The following DSEL variants were observed in gnomAD, a reference collection of about 807,000 sequenced individuals.
DSEL encodes the protein dermatan sulfate epimerase like.
Under a neutral mutation model 96.6 loss-of-function variants are expected in DSEL, and 61 were observed. The ratio of observed to expected loss-of-function variants is 0.63; its 90% CI spans 0.51 to 0.78. The LOEUF is 0.78. DSEL is among the 30% of genes least tolerant of loss of function. The probability of loss-of-function intolerance (pLI) is 0.00; values close to 1 mark genes in which losing one functional copy is unlikely to be tolerated. For missense variants in DSEL, 1,320 were observed against 1,430.8 expected, an observed-to-expected ratio of 0.92 and a Z score of 1.25; for synonymous variants, 514 against 502.0, an observed-to-expected ratio of 1.02 and a Z score of -0.32.
rs960377071 is a variant in DSEL, at chr18:67,506,805, T to A, written c.*4165A>T. On this transcript the variant is annotated 3_prime_UTR_variant, in exon 2 of 2. Coordinates refer to ENST00000310045, the MANE Select transcript of DSEL (RefSeq NM_032160.3). ...ACATGTATGTGTTACTTAGACTAAA[T>A]ATAAATAACCCATATAAATGGTAGC... The A allele has an allele frequency of 2.6e-5, 4 of 152,148 alleles. No individual in the cohort carries two copies. Among genetic ancestry groups the A allele is most frequent in the Admixed American group, 1.3e-4 (2 of 15,268 alleles). The allele number at this position is 152,148 out of a possible 1,614,324, so 9.4% of individuals were successfully genotyped here.
rs141551736 is a variant in DSEL at position 67,511,668 on chromosome 18, C to T, written c.2941G>A (p.Asp981Asn). ...CTCAAAGCCCTAATATATTCAGCAT[C>T]TCTATCAAAGGCGCCTTTCATTTGA... ...RSQMKGAFDR[D>N]AEYIRALRRH... The change falls in exon 2 of 2, where the codon GAT becomes AAT. Residue 981 changes from aspartate (D) to asparagine (N), a missense_variant. Physicochemically the swap from Asp to Asn is conservative, Grantham distance 23. This residue lies in a region of DSEL where 986 missense variants were observed against 1,066.4 expected (regional missense o/e 0.92). Transcript: ENST00000310045. 7.1e-5 allele frequency: 115 copies of T among 1,614,144 alleles called. No homozygotes were observed. The African/African-American group carries it at 1.5e-3, about 21-fold the overall frequency.
At position 67,513,952 on chromosome 18, in the gene DSEL, C is replaced by A; in HGVS notation, c.657G>T (p.Gln219His). Residue 219 changes from glutamine (Q) to histidine (H), a missense_variant, in exon 2 of 2, where the codon CAG becomes CAT. Physicochemically the swap from Gln to His is conservative, Grantham distance 24. Coordinates refer to ENST00000310045, the MANE Select transcript of DSEL (RefSeq NM_032160.3). ...TAGTGGCTTGGTGGTTATGGAGAAG[C>A]TGTTTGCCCCATGAGCGGACCTTGG... is the stretch of plus-strand genomic sequence containing the variant. ...EYSKVRSWGKQLLHNHQATNM... is the reference protein window; with the variant it reads ...EYSKVRSWGKHLLHNHQATNM... 1.9e-6 allele frequency: 3 copies of A among 1,614,172 alleles called. No individual in the cohort carries two copies. The highest frequency in any genetic ancestry group is 2.5e-6 in the Non-Finnish European group (3 of 1,180,016).
At position 67,512,550 on chromosome 18, in the gene DSEL, T is replaced by C. The variant is rs2089449788; in HGVS notation, c.2059A>G (p.Ile687Val). Reference protein sequence around the residue: ...RIAYVFYGPYINVSSCRFIDS... With the variant: ...RIAYVFYGPYVNVSSCRFIDS... Reference sequence around the variant, plus strand: ...ATAAATCTGCAGCTGGAGACATTGATATATGGCCCATAAAAGACATATGCA... The same window carrying C: ...ATAAATCTGCAGCTGGAGACATTGACATATGGCCCATAAAAGACATATGCA... Residue 687 changes from isoleucine to valine, a missense_variant, in exon 2 of 2, where the codon ATC (isoleucine) becomes GTC (valine). This residue lies in a region of DSEL where 986 missense variants were observed against 1,066.4 expected (regional missense o/e 0.92). Coordinates refer to ENST00000310045, the MANE Select transcript of DSEL (RefSeq NM_032160.3). 1.9e-6 allele frequency: 3 copies of C among 1,614,090 alleles called. No homozygotes were observed. The highest frequency in any genetic ancestry group is 1.3e-5 in the African/African-American group (1 of 74,952).
Position 67,511,972 on chromosome 18 carries a change from G to C in DSEL, c.2637C>G (p.Leu879=). The C allele has an allele frequency of 1.2e-6, 2 of 1,614,140 alleles. No homozygotes were observed. The highest frequency in any genetic ancestry group is 1.7e-6 in the Non-Finnish European group (2 of 1,180,034). Residue 879 remains leucine, a synonymous_variant, in exon 2 of 2, where the codon CTC becomes CTG. Transcript: ENST00000310045. ...TGTAGGCTGTAGGAACCCTGATGTAGAGAAAATCACTACTGTTGAAAAAAA... is the reference window on the plus strand; with the variant it reads ...TGTAGGCTGTAGGAACCCTGATGTACAGAAAATCACTACTGTTGAAAAAAA... ...KQLFFNSSDF[L]YIRVPTAYID...
Position 67,513,874 on chromosome 18 carries a change from AG to A in DSEL, c.734del (p.Ser245LeufsTer10). 1 of 1,614,178 alleles carries A rather than the reference AG, an allele frequency of 6.2e-7. No homozygotes were observed. The highest frequency in any genetic ancestry group is 8.5e-7 in the Non-Finnish European group (1 of 1,180,026). On this transcript the variant is annotated frameshift_variant, in exon 2 of 2. Coordinates refer to ENST00000310045, the MANE Select transcript of DSEL (RefSeq NM_032160.3). LOFTEE classifies it high-confidence loss of function. ...GALVTGVDKG[S>X]KANIWKQAVV... The stretch of plus-strand genomic sequence containing the variant: ...CAGCCTGTTTCCATATATTTGCTTT[AG>A]ATCCTTTATCTACTCCAGTCACCAA...
At position 67,514,879 on chromosome 18, in the gene DSEL, T is replaced by G; in HGVS notation, c.-271A>C. The G allele has an allele frequency of 2.1e-6, 1 of 466,212 alleles. No homozygotes were observed. Among genetic ancestry groups the G allele is most frequent in the Non-Finnish European group, 3.9e-6 (1 of 257,168 alleles). 28.9% of individuals were successfully genotyped at this position (466,212 alleles called of 1,614,324 possible). A position where few individuals can be genotyped will look rare whatever the true frequency, so the allele number is the denominator to read the frequency against. On this transcript the variant is annotated 5_prime_UTR_variant, in exon 2 of 2. Transcript: ENST00000310045. ...GTTAAAATCTCTAATTTTTCCATAA[T>G]ACACAGGGAAGTGATACAGGTAAAA...
rs2089457502 is a variant in DSEL, at chr18:67,513,594, C to T, written c.1015G>A (p.Gly339Ser). 6.2e-7 allele frequency: 1 copy of T among 1,614,124 alleles called. No individual in the cohort carries two copies. Among genetic ancestry groups the T allele is most frequent in the Non-Finnish European group, 8.5e-7 (1 of 1,180,032 alleles). ...AAGAAAACTAGCTGGCTTTCTGGAC[C>T]ATAAAACCAATTATAATTGGAATCT... is the stretch of plus-strand genomic sequence containing the variant. ...IADSNYNWFYGPESQLVFLDK... is the reference protein window; with the variant it reads ...IADSNYNWFYSPESQLVFLDK... Residue 339 changes from glycine (G) to serine (S), a missense_variant, in exon 2 of 2, where the codon GGT (glycine) becomes AGT (serine). Physicochemically the swap from Gly to Ser is moderately conservative, Grantham distance 56. Coordinates refer to ENST00000310045, the MANE Select transcript of DSEL (RefSeq NM_032160.3).
In DSEL at chr18:67,508,472, A is replaced by C. The variant is rs2144043389; in HGVS notation, c.*2498T>G. 1 of 152,282 alleles carries C rather than the reference A, an allele frequency of 6.6e-6. No homozygotes were observed. Among genetic ancestry groups the C allele is most frequent in the African/African-American group, 2.4e-5 (1 of 41,542 alleles). The allele number at this position is 152,282 out of a possible 1,614,324, so 9.4% of individuals were successfully genotyped here. The stretch of plus-strand genomic sequence containing the variant: ...ACTAAATAGTAGGGTTCATGTCTAA[A>C]ATTTTCCCTTGGGGTGGGAGTAGGT... On this transcript the variant is annotated 3_prime_UTR_variant, in exon 2 of 2. Coordinates refer to ENST00000310045, the MANE Select transcript of DSEL (RefSeq NM_032160.3).
In DSEL at chr18:67,510,904, C is replaced by G; in HGVS notation, c.*66G>C. 1 of 1,342,264 alleles carries G rather than the reference C, an allele frequency of 7.5e-7. No individual in the cohort carries two copies. The allele number at this position is 1,342,264 out of a possible 1,614,324, so 83.1% of individuals were successfully genotyped here. On this transcript the variant is annotated 3_prime_UTR_variant, in exon 2 of 2. Coordinates refer to ENST00000310045, the MANE Select transcript of DSEL (RefSeq NM_032160.3). ...CACACTAAAGAATAAACAAACTCTT[C>G]TGATTCATATCCACAAAGTGGGTTG...
At position 67,512,980 on chromosome 18, in the gene DSEL, G is replaced by A. The variant is rs73454543; in HGVS notation, c.1629C>T (p.Ala543=). 1.4e-3 allele frequency: 2,221 copies of A among 1,614,116 alleles called. 32 individuals carry two copies. In the African/African-American group the frequency reaches 0.027, roughly 20 times the overall value. ...VGDAAGEIIT[A]SQHGEMVFVS... ...CAAATACCATTTCCCCATGTTGAGA[G>A]GCAGTGATTATTTCCCCAGCTGCAT... The change falls in exon 2 of 2, where the codon GCC becomes GCT. Residue 543 remains alanine, a synonymous_variant. Transcript: ENST00000310045.
chr18:67,513,376 T>C lies in DSEL; in HGVS notation c.1233A>G (p.Thr411=). The C allele has an allele frequency of 1.2e-6, 2 of 1,614,214 alleles. No individual in the cohort carries two copies. Among genetic ancestry groups the C allele is most frequent in the Non-Finnish European group, 1.7e-6 (2 of 1,180,036 alleles). The change falls in exon 2 of 2, where the codon ACA becomes ACG. Residue 411 remains threonine, a synonymous_variant. Coordinates refer to ENST00000310045, the MANE Select transcript of DSEL (RefSeq NM_032160.3). ...AAGTAACCACACCCCAGTTAGGGAA[T>C]GTGTGTATTTTTGCAGTACCATAAT... The part of the protein sequence containing the change: ...PADYGTAKIH[T]FPNWGVVTYG...
At position 67,511,251 on chromosome 18, in the gene DSEL, T is replaced by C. The variant is rs777836420; in HGVS notation, c.3358A>G (p.Thr1120Ala). ...TCAAACTTGACCAGCTGGTAGCTAG[T>C]AGGCAGCAAATCTGTATTTATTCTC... is the stretch of plus-strand genomic sequence containing the variant. Reference protein sequence around the residue: ...ALRINTDLLPTSYQLVKFEDI... With the variant: ...ALRINTDLLPASYQLVKFEDI... Residue 1120 changes from threonine to alanine, a missense_variant, in exon 2 of 2, where the codon ACT (threonine) becomes GCT (alanine). Coordinates refer to ENST00000310045, the MANE Select transcript of DSEL (RefSeq NM_032160.3). 8.1e-6 allele frequency: 13 copies of C among 1,612,632 alleles called. No individual in the cohort carries two copies. In the East Asian group the frequency reaches 1.8e-4, roughly 22 times the overall value.
At position 67,513,650 on chromosome 18, in the gene DSEL, A is replaced by G; in HGVS notation, c.959T>C (p.Leu320Ser). 1 of 1,614,214 alleles carries G rather than the reference A, an allele frequency of 6.2e-7. No individual in the cohort carries two copies. Among genetic ancestry groups the G allele is most frequent in the Non-Finnish European group, 8.5e-7 (1 of 1,180,038 alleles). The change falls in exon 2 of 2, where the codon TTA (leucine) becomes TCA (serine). Residue 320 changes from leucine to serine, a missense_variant. This residue lies in a region of DSEL where 986 missense variants were observed against 1,066.4 expected (regional missense o/e 0.92). Transcript: ENST00000310045. ...MHFWFYYATL[L>S]PGFQRTVGIA... ...ACCCACAGTTCTTTGGAAGCCAGGT[A>G]AAAGGGTGGCATAATAGAACCAAAA...
chr18:67,512,538 T>C lies in DSEL; in HGVS notation c.2071A>G (p.Ser691Gly). The C allele has an allele frequency of 6.2e-7, 1 of 1,614,154 alleles. No homozygotes were observed. The highest frequency in any genetic ancestry group is 8.5e-7 in the Non-Finnish European group (1 of 1,179,990). Residue 691 changes from serine to glycine, a missense_variant, in exon 2 of 2, where the codon AGC (serine) becomes GGC (glycine). Transcript: ENST00000310045. ...VFYGPYINVS[S>G]CRFIDSSNPG... The stretch of plus-strand genomic sequence containing the variant: ...TTGGAACTATCAATAAATCTGCAGC[T>C]GGAGACATTGATATATGGCCCATAA...
Position 67,512,234 on chromosome 18 carries a change from C to T in DSEL, c.2375G>A (p.Arg792His), listed in dbSNP as rs747864627. ...ISLVILTFQWRFYLSFRKLMR... is the reference protein window; with the variant it reads ...ISLVILTFQWHFYLSFRKLMR... ...TAGTTTTCTAAAAGAAAGGTAAAAA[C>T]GCCATTGGAAAGTTAAAATCACCAA... is the stretch of plus-strand genomic sequence containing the variant. Residue 792 changes from arginine to histidine, a missense_variant, in exon 2 of 2, where the codon CGT (arginine) becomes CAT (histidine). By Grantham distance (29) the Arg-to-His change is conservative. Coordinates refer to ENST00000310045, the MANE Select transcript of DSEL (RefSeq NM_032160.3). 32 of 1,613,904 alleles carry T rather than the reference C, an allele frequency of 2.0e-5. No individual in the cohort carries two copies. The highest frequency in any genetic ancestry group is 8.9e-5 in the East Asian group (4 of 44,892).
At position 67,513,381 on chromosome 18, in the gene DSEL, G is replaced by A. The variant is rs752173210; in HGVS notation, c.1228C>T (p.His410Tyr). The change falls in exon 2 of 2, where the codon CAC becomes TAC. Residue 410 changes from histidine (H) to tyrosine (Y), a missense_variant. By Grantham distance (83) the His-to-Tyr change is moderately conservative (BLOSUM62 2). Around this residue, in one of 3 missense-constraint regions of DSEL, gnomAD observed 986 missense variants for 1,066.4 expected, o/e 0.92. Transcript: ENST00000310045. Reference protein sequence around the residue: ...PPADYGTAKIHTFPNWGVVTY... With the variant: ...PPADYGTAKIYTFPNWGVVTY... ...ACCACACCCCAGTTAGGGAATGTGT[G>A]TATTTTTGCAGTACCATAATCAGCA... 2 of 1,614,062 alleles carry A rather than the reference G, an allele frequency of 1.2e-6. No homozygotes were observed. Among genetic ancestry groups the A allele is most frequent in the African/African-American group, 1.3e-5 (1 of 74,924 alleles).
Position 67,516,025 on chromosome 18 carries a change from C to T in DSEL, c.-885+336G>A, listed in dbSNP as rs576837068. ...TCGGCGGGGTAACCGCGAATCGTGA[C>T]CAGGCGCCAAGCCGAGGGGCGGGAG... On this transcript the variant is annotated intron_variant, in intron 1 of 1. Transcript: ENST00000310045. The surrounding 1 kb of genome is among the most constrained non-coding windows in gnomAD (Gnocchi z 5.6). 2.0e-5 allele frequency among the ~76,000 whole-genome samples: 3 copies of T among 151,828 alleles called. No individual in the cohort carries two copies. The highest frequency in any genetic ancestry group is 2.0e-4 in the Admixed American group (3 of 15,276).
Position 67,513,580 on chromosome 18 carries a change from C to T in DSEL, c.1029G>A (p.Gln343=), listed in dbSNP as rs2089457482. 1.2e-6 allele frequency: 2 copies of T among 1,614,058 alleles called. No homozygotes were observed. Among genetic ancestry groups the T allele is most frequent in the African/African-American group, 1.3e-5 (1 of 74,924 alleles). The change falls in exon 2 of 2, where the codon CAG becomes CAA. Residue 343 remains glutamine (Q), a synonymous_variant. Coordinates refer to ENST00000310045, the MANE Select transcript of DSEL (RefSeq NM_032160.3). ...NYNWFYGPES[Q]LVFLDKFILK... ...AGATGAACTTATCCAAGAAAACTAG[C>T]TGGCTTTCTGGACCATAAAACCAAT...
Position 67,507,890 on chromosome 18 carries a change from A to G in DSEL, c.*3080T>C, listed in dbSNP as rs980487274. On this transcript the variant is annotated 3_prime_UTR_variant, in exon 2 of 2. Transcript: ENST00000310045. Reference sequence around the variant, plus strand: ...TTCTTTCTCCTGAGCAGATTTTCCTATTTCCTCTGAGTTTTCATTAAATTC... The same window carrying G: ...TTCTTTCTCCTGAGCAGATTTTCCTGTTTCCTCTGAGTTTTCATTAAATTC... The G allele has an allele frequency of 2.6e-5, 4 of 152,102 alleles. No individual in the cohort carries two copies. The highest frequency in any genetic ancestry group is 9.7e-5 in the African/African-American group (4 of 41,418). 9.4% of individuals were successfully genotyped at this position (152,102 alleles called of 1,614,324 possible).
Sources: allele counts gnomAD v4.1 joint callset (sites outside exome capture counted in the v4.1 genomes callset), GRCh38; gene constraint gnomAD v4.1.1; regional missense constraint gnomAD v4.1.1; non-coding constraint Gnocchi (gnomAD v3.1); transcripts MANE v1.5; gene names NCBI Gene and HGNC (gene_info 2026-07-23, HGNC 2026-07-21).